The following PARD3B variants were observed in gnomAD, a reference collection of about 807,000 sequenced individuals.
PARD3B encodes partitioning defective 3 homolog B.
Under a neutral mutation model 130.2 loss-of-function variants are expected in PARD3B, and 103 were observed. That is an observed-to-expected ratio of 0.79 (90% CI 0.67 to 0.93). The LOEUF is 0.93. Ranked by LOEUF, PARD3B falls within the 40% of genes least tolerant of loss-of-function variation. The pLI, the probability that PARD3B is intolerant of heterozygous loss-of-function variation, is 0.00. For synonymous variants in PARD3B, 583 were observed against 553.2 expected, an observed-to-expected ratio of 1.05 and a Z score of -0.76; for missense variants, 1,609 against 1,499.2, an observed-to-expected ratio of 1.07 and a Z score of -1.21.
chr2:204,756,349 T>C (rs1190782971), intron 2 of PARD3B, among the ~76,000 whole-genome samples: 1 of 152,112 alleles, frequency 6.6e-6, no homozygotes, highest in Non-Finnish European at 1.5e-5. Context: ...ATTACTGTAT[T>C]TAACATTAAG....
rs765549343 is a variant in PARD3B, at chr2:205,012,792, C to G, written c.395-34789C>G. ...CATTGTTGGAATCATGGAAAGAAAGCTATAAACAAGTTGGAAGTATTTATT... is the reference window on the plus strand; with the variant it reads ...CATTGTTGGAATCATGGAAAGAAAGGTATAAACAAGTTGGAAGTATTTATT... On this transcript the variant is annotated intron_variant, in intron 3 of 22. Coordinates refer to ENST00000406610, the MANE Select transcript of PARD3B (RefSeq NM_001302769.2). Among the ~76,000 whole-genome samples the G allele has an allele frequency of 5.1e-4, 77 of 152,266 alleles. No individual in the cohort carries two copies. In the Middle Eastern group the frequency reaches 0.014, roughly 27 times the overall value.
intron 4 of PARD3B, among the ~76,000 whole-genome samples, chr2:205,067,095 CTTTTTTTTTTT>C (rs10672449): frequency 0.028 from 1,684 of 59,768 alleles, 26 homozygotes; most frequent in Middle Eastern, 0.094. Context: ...TTTTACTAGG[CTTTTTTTTTTT>C]TTTTTTTTTT....
Position 205,298,056 on chromosome 2 carries a change from G to A in PARD3B, c.2186-2474G>A, listed in dbSNP as rs552099243. Among the ~76,000 whole-genome samples, 21 of 152,246 alleles carry A rather than the reference G, an allele frequency of 1.4e-4. No homozygotes were observed. The South Asian group carries it at 2.5e-3, about 18-fold the overall frequency. On this transcript the variant is annotated intron_variant, in intron 16 of 22. Transcript: ENST00000406610. Reference sequence around the variant, plus strand: ...AGATAACGTGCCTTCTATCTTGGACGATTTATTCACTTTCATGTTCCCTGG... The same window carrying A: ...AGATAACGTGCCTTCTATCTTGGACAATTTATTCACTTTCATGTTCCCTGG...
rs182846869 is a variant in PARD3B, at chr2:204,652,610, T to A, written c.121-33571T>A. On this transcript the variant is annotated intron_variant, in intron 1 of 22. Transcript: ENST00000406610. Reference sequence around the variant, plus strand: ...CCAAACTGTTCCAACCTCTGCCTGTTACCAAGTTCCAAAGTTGCTTTCACA... The same window carrying A: ...CCAAACTGTTCCAACCTCTGCCTGTAACCAAGTTCCAAAGTTGCTTTCACA... Among the ~76,000 whole-genome samples the A allele has an allele frequency of 3.7e-3, 562 of 152,344 alleles. 3 individuals carry two copies. Among genetic ancestry groups the A allele is most frequent in the African/African-American group, 0.013 (547 of 41,582 alleles).
intron 2 of PARD3B, among the ~76,000 whole-genome samples, chr2:204,750,509 C>T (rs1023273458): frequency 6.6e-6 from 1 of 152,044 alleles, no homozygotes; most frequent in Non-Finnish European, 1.5e-5. Context: ...TCGTTTGAGC[C>T]CTGGAGGTGG....
In PARD3B at chr2:205,473,654, A is replaced by ATGTG. The variant is rs751534704; in HGVS notation, c.3045-26218_3045-26215dup. On this transcript the variant is annotated intron_variant, in intron 20 of 22. Coordinates refer to ENST00000406610, the MANE Select transcript of PARD3B (RefSeq NM_001302769.2). This position sits in a 1 kb window ranked among gnomAD's most constrained non-coding sequence, Gnocchi z 4.9. Reference sequence around the variant, plus strand: ...TGTTTCCCAATATAAGGTTATATATATGTGTGTGTGTGTGTGTGTGTGTGT... The same window carrying ATGTG: ...TGTTTCCCAATATAAGGTTATATATATGTGTGTGTGTGTGTGTGTGTGTGTGTGT... Among the ~76,000 whole-genome samples, 1,061 of 123,574 alleles carry ATGTG rather than the reference A, an allele frequency of 8.6e-3. 8 individuals are homozygous for ATGTG. The highest frequency in any genetic ancestry group is 0.029 in the African/African-American group (831 of 28,216). The allele number at this position is 123,574 out of a possible 152,430, so 81.1% of individuals were successfully genotyped here.
At chr2:205,581,229 G>GAGATATATAT (rs144139857) in intron 22 of PARD3B, among the ~76,000 whole-genome samples, 17,144 of 112,924 alleles carry the variant, frequency 0.15, 1,207 homozygotes, top group East Asian at 0.21. Context: ...GTGGGGTGGG[G>GAGATATATAT]AGATATATAT....
intron 5 of PARD3B, among the ~76,000 whole-genome samples, chr2:205,109,945 C>T (rs1419877905): frequency 1.3e-5 from 2 of 152,028 alleles, no homozygotes; most frequent in Admixed American, 6.6e-5. Flanking sequence ...TGAGCCAACG[C>T]GCCTGGCCAG....
At chr2:205,302,055 T>G in intron 18 of PARD3B, 9 of 482,916 alleles carry the variant, frequency 1.9e-5, no homozygotes, top group Non-Finnish European at 2.5e-5. Flanking sequence ...CTTTTTTTCT[T>G]TTTTCTTTTC....
chr2:205,075,790 T>C (rs1701018953), intron 4 of PARD3B, among the ~76,000 whole-genome samples: 1 of 151,962 alleles, frequency 6.6e-6, no homozygotes, highest in Admixed American at 6.6e-5. Context: ...ATGGTTAAAC[T>C]TTTTTCATAA....
chr2:205,618,923 A>C lies in PARD3B; in HGVS notation c.*3110A>C, dbSNP rs2105815277. 1 of 152,316 alleles carries C rather than the reference A, an allele frequency of 6.6e-6. No homozygotes were observed. Among genetic ancestry groups the C allele is most frequent in the African/African-American group, 2.4e-5 (1 of 41,560 alleles). 9.4% of individuals were successfully genotyped at this position (152,316 alleles called of 1,614,324 possible). A position where few individuals can be genotyped will look rare whatever the true frequency, so the allele number is the denominator to read the frequency against. Reference sequence around the variant, plus strand: ...AAATCATAACCTAATAGCAAACAAAAATTGAAAAAACAATTATTCTGAAGC... The same window carrying C: ...AAATCATAACCTAATAGCAAACAAACATTGAAAAAACAATTATTCTGAAGC... On this transcript the variant is annotated 3_prime_UTR_variant, in exon 23 of 23. Transcript: ENST00000406610.
chr2:204,839,731 A>C (rs1423708244), intron 2 of PARD3B, among the ~76,000 whole-genome samples: 1 of 152,156 alleles, frequency 6.6e-6, no homozygotes, highest in African/African-American at 2.4e-5. Context: ...GCAAGAAAAA[A>C]CATCATCTTA....
intron 19 of PARD3B, among the ~76,000 whole-genome samples, chr2:205,412,040 A>G (rs2046617474): frequency 6.6e-6 from 1 of 151,948 alleles, no homozygotes; most frequent in Admixed American, 6.6e-5. Context: ...GGGGGTGGCA[A>G]CTCCGATCTG....
chr2:205,380,896 A>ATATAATATATAAAGAATATAT (rs2045372566), intron 18 of PARD3B, among the ~76,000 whole-genome samples: 1 of 14,032 alleles, frequency 7.1e-5, no homozygotes, highest in African/African-American at 1.2e-4. Context: ...TATATAAAGA[A>ATATAATATATAAAGAATATAT]TATATATAAT....
Position 205,176,588 on chromosome 2 carries a change from A to G in PARD3B, c.1924+11A>G, listed in dbSNP as rs751099086. On this transcript the variant is annotated intron_variant, in intron 13 of 22. Coordinates refer to ENST00000406610, the MANE Select transcript of PARD3B (RefSeq NM_001302769.2). The surrounding 1 kb of genome is among the most constrained non-coding windows in gnomAD (Gnocchi z 5.3). ...AAGACAAACAGAAAGGTAAGAGTCT[A>G]TTCATTTTATCCACTGCAAATGGAG... 1.9e-6 allele frequency: 3 copies of G among 1,588,788 alleles called. No homozygotes were observed. The highest frequency in any genetic ancestry group is 1.2e-5 in the South Asian group (1 of 86,662).
At chr2:205,403,481 G>C (rs192044324) in intron 19 of PARD3B, among the ~76,000 whole-genome samples, 1 of 152,064 alleles carries the variant, frequency 6.6e-6, no homozygotes, top group East Asian at 1.9e-4. Flanking sequence ...GCTATCTTTA[G>C]TGCATATCCA....
rs1334841787 is a variant in PARD3B at position 205,105,735 on chromosome 2, C to G, written c.593+1221C>G. On this transcript the variant is annotated intron_variant, in intron 5 of 22. Coordinates refer to ENST00000406610, the MANE Select transcript of PARD3B (RefSeq NM_001302769.2). The surrounding 1 kb of genome is among the most constrained non-coding windows in gnomAD (Gnocchi z 4.0). Reference sequence around the variant, plus strand: ...AGAGGATCACTTGAGTGCAGGAGTTCGAGTCCATCTTGCAACATAGGGAGA... The same window carrying G: ...AGAGGATCACTTGAGTGCAGGAGTTGGAGTCCATCTTGCAACATAGGGAGA... Among the ~76,000 whole-genome samples, 2 of 150,656 alleles carry G rather than the reference C, an allele frequency of 1.3e-5. No individual in the cohort carries two copies. Among genetic ancestry groups the G allele is most frequent in the African/African-American group, 4.9e-5 (2 of 40,848 alleles).
intron 4 of PARD3B, among the ~76,000 whole-genome samples, chr2:205,053,845 G>T (rs981520961): frequency 6.6e-6 from 1 of 151,990 alleles, no homozygotes; most frequent in South Asian, 2.1e-4. Context: ...GGGAGAAATA[G>T]CATGTAATAT....
rs1245634779 is a variant in PARD3B at position 205,619,728 on chromosome 2, CT to C, written c.*3919del. The C allele has an allele frequency of 6.6e-6, 1 of 152,216 alleles. No homozygotes were observed. Among genetic ancestry groups the C allele is most frequent in the African/African-American group, 2.4e-5 (1 of 41,460 alleles). 9.4% of individuals were successfully genotyped at this position (152,216 alleles called of 1,614,324 possible). A position where few individuals can be genotyped will look rare whatever the true frequency, so the allele number is the denominator to read the frequency against. On this transcript the variant is annotated 3_prime_UTR_variant, in exon 23 of 23. Transcript: ENST00000406610. ...ACAGCTGTGACTTCTAAGTGAAACTCTTTTCTCCCTCATGTCCTTAAATAGT... is the reference window on the plus strand; with the variant it reads ...ACAGCTGTGACTTCTAAGTGAAACTCTTTCTCCCTCATGTCCTTAAATAGT...
Sources: allele counts gnomAD v4.1 joint callset (sites outside exome capture counted in the v4.1 genomes callset), GRCh38; gene constraint gnomAD v4.1.1; non-coding constraint Gnocchi (gnomAD v3.1); transcripts MANE v1.5; gene names NCBI Gene and HGNC (gene_info 2026-07-23, HGNC 2026-07-21).